Variants in MYT1L observed in about 807,000 individuals in gnomAD.
MYT1L encodes myelin transcription factor 1-like protein.
MYT1L carries 12 observed loss-of-function variants against 126.7 expected under a neutral mutation model. The ratio of observed to expected loss-of-function variants is 0.09; its 90% CI spans 0.06 to 0.15. The LOEUF (loss-of-function observed/expected upper bound fraction) is 0.15, where lower values mean the gene tolerates loss of function less well. Ranked by LOEUF, MYT1L falls within the 10% of genes least tolerant of loss-of-function variation. The pLI, the probability that MYT1L is intolerant of heterozygous loss-of-function variation, is 1.00. For synonymous variants in MYT1L, 541 were observed against 604.2 expected (o/e 0.90, Z 1.53); for missense variants, 979 against 1,585.2 (o/e 0.62, Z 6.49).
At chr2:1,886,652 C>G in intron 17 of MYT1L, 45 bp from the exon 18 acceptor site, 1 of 1,329,328 alleles carries the variant, frequency 7.5e-7, no homozygotes, top group Non-Finnish European at 1.0e-6. Flanking sequence ...CTGCGAAGCG[C>G]GTAACTCCCA....
chr2:1,884,988 G>A (rs1429237907), intron 18 of MYT1L, among the ~76,000 whole-genome samples: 1 of 152,214 alleles, frequency 6.6e-6, no homozygotes, highest in African/African-American at 2.4e-5. Flanking sequence ...CAAGCCCAAC[G>A]TGAAGGGATG....
chr2:1,865,594 T>C (rs926078377), intron 18 of MYT1L, among the ~76,000 whole-genome samples: 4 of 149,590 alleles, frequency 2.7e-5, no homozygotes, highest in Non-Finnish European at 5.9e-5. Flanking sequence ...GTTTTTTTTC[T>C]TTTTTTTTTA....
intron 2 of MYT1L, among the ~76,000 whole-genome samples, chr2:2,274,380 G>T (rs1304254349): frequency 6.6e-6 from 1 of 151,892 alleles, no homozygotes; most frequent in Non-Finnish European, 1.5e-5. Flanking sequence ...GGGAGGGAGA[G>T]AGGACAGTGG....
chr2:2,166,195 CCTCT>C (rs956401311), intron 3 of MYT1L, among the ~76,000 whole-genome samples: 1 of 152,134 alleles, frequency 6.6e-6, no homozygotes, highest in Non-Finnish European at 1.5e-5. Context: ...TTCCTTCCCT[CCTCT>C]CTCTCCCACC....
rs114084781 is a variant in MYT1L, at chr2:1,833,937, G to A, written c.3080+5212C>T. Among the ~76,000 whole-genome samples the A allele has an allele frequency of 8.9e-3, 1,358 of 152,348 alleles. 22 individuals are homozygous for A. The highest frequency in any genetic ancestry group is 0.031 in the African/African-American group (1,284 of 41,572). On this transcript the variant is annotated intron_variant, in intron 21 of 24. Coordinates refer to ENST00000647738, the MANE Select transcript of MYT1L (RefSeq NM_001303052.2). ...AGTGGAAACGATTTCACAGCAAATG[G>A]GGTGGATGGCCAGGGGCTCCTGTCA...
rs2036598934 is a variant in MYT1L at position 1,811,349 on chromosome 2, C to CCCAGCGTCATCAGCT, written c.3081-2197_3081-2183dup. ...GAGAAGGAGCAGCGGGGACTTTAAC[C>CCCAGCGTCATCAGCT]CCAGCGTCATCAGCTCCAGCATCAT... On this transcript the variant is annotated intron_variant, in intron 21 of 24. Transcript: ENST00000647738. This position sits in a 1 kb window ranked among gnomAD's most constrained non-coding sequence, Gnocchi z 4.4. 8.3e-6 allele frequency: 1 copy of CCCAGCGTCATCAGCT among 120,830 alleles called. No individual in the cohort carries two copies. Among genetic ancestry groups the CCCAGCGTCATCAGCT allele is most frequent in the Non-Finnish European group, 1.8e-5 (1 of 56,170 alleles). 7.5% of individuals were successfully genotyped at this position (120,830 alleles called of 1,614,324 possible).
At chr2:1,923,437 C>T (rs370958050) in intron 9 of MYT1L, among the ~76,000 whole-genome samples, 174 bp from the exon 10 acceptor site, 3 of 152,152 alleles carry the variant, frequency 2.0e-5, no homozygotes, top group Admixed American at 6.5e-5. Context: ...ATAAAGAAAA[C>T]GGATGTTGCT....
intron 18 of MYT1L, among the ~76,000 whole-genome samples, chr2:1,854,378 G>C (rs193053076): frequency 1.4e-4 from 22 of 152,198 alleles, no homozygotes; most frequent in Non-Finnish European, 2.8e-4. Flanking sequence ...TACATATGGA[G>C]GGCTCTACCC....
rs192445966 is a variant in MYT1L at position 2,267,546 on chromosome 2, C to T, written c.-421+16858G>A. ...AAAGGAATGGACAGAAAAAAAATGC[C>T]CCAGATGGAAGCAACAGGATTTCCT... is the stretch of plus-strand genomic sequence containing the variant. On this transcript the variant is annotated intron_variant, in intron 2 of 24. Transcript: ENST00000647738. 9.5e-4 allele frequency among the ~76,000 whole-genome samples: 144 copies of T among 152,006 alleles called. 1 individual carries two copies. The highest frequency in any genetic ancestry group is 3.4e-3 in the African/African-American group (140 of 41,384).
intron 3 of MYT1L, among the ~76,000 whole-genome samples, chr2:2,129,168 A>T (rs1435115471): frequency 6.6e-6 from 1 of 152,384 alleles, no homozygotes; most frequent in Admixed American, 6.5e-5. Flanking sequence ...GTGGTGATGC[A>T]GCAGATGCCT....
chr2:1,847,107 G>A (rs538286609), intron 19 of MYT1L, among the ~76,000 whole-genome samples: 13 of 152,168 alleles, frequency 8.5e-5, no homozygotes, highest in Non-Finnish European at 1.5e-4. Context: ...TCGATTTTGC[G>A]CATTATTGTA....
At chr2:2,007,615 C>T (rs142769988) in intron 4 of MYT1L, among the ~76,000 whole-genome samples, 22 of 152,306 alleles carry the variant, frequency 1.4e-4, no homozygotes, top group African/African-American at 5.1e-4. Context: ...TCTTGCATGA[C>T]TCAGATTTCA....
intron 1 of MYT1L, among the ~76,000 whole-genome samples, chr2:2,307,708 T>C (rs962920568): frequency 6.6e-6 from 1 of 151,310 alleles, no homozygotes; most frequent in Non-Finnish European, 1.5e-5. Context: ...ACTCCACCCA[T>C]GTTTCAGTAC....
Position 2,041,514 on chromosome 2 carries a change from T to C in MYT1L, c.-158+12464A>G, listed in dbSNP as rs137970671. The stretch of plus-strand genomic sequence containing the variant: ...ATATTTACTTTTCGTTTTACAAAGA[T>C]ATTCTTTGTCTCTTATCAAATGACC... On this transcript the variant is annotated intron_variant, in intron 4 of 24. Coordinates refer to ENST00000647738, the MANE Select transcript of MYT1L (RefSeq NM_001303052.2). 3.8e-3 allele frequency among the ~76,000 whole-genome samples: 573 copies of C among 152,348 alleles called. 1 individual carries two copies. The highest frequency in any genetic ancestry group is 0.013 in the African/African-American group (544 of 41,594).
intron 2 of MYT1L, among the ~76,000 whole-genome samples, chr2:2,181,483 T>C (rs1272266925): frequency 6.6e-6 from 1 of 152,146 alleles, no homozygotes; most frequent in Non-Finnish European, 1.5e-5. Flanking sequence ...TCTTAAAATA[T>C]ATAGAAATTA....
intron 8 of MYT1L, among the ~76,000 whole-genome samples, chr2:1,944,983 A>G (rs2057063684): frequency 6.6e-6 from 1 of 152,208 alleles, no homozygotes; most frequent in African/African-American, 2.4e-5. Context: ...CAGATATGTA[A>G]AGGATGTCTG....
chr2:2,272,525 C>T (rs2095283480), intron 2 of MYT1L, among the ~76,000 whole-genome samples: 3 of 152,216 alleles, frequency 2.0e-5, no homozygotes, highest in Non-Finnish European at 4.4e-5. Context: ...AAACTGGCCT[C>T]TCAGGGGAAT....
chr2:2,181,226 G>A (rs1469814226), intron 2 of MYT1L, among the ~76,000 whole-genome samples: 15 of 151,604 alleles, frequency 9.9e-5, no homozygotes, highest in African/African-American at 3.6e-4. Flanking sequence ...GTGCCTGTGT[G>A]TGTACCTGTG....
intron 2 of MYT1L, among the ~76,000 whole-genome samples, chr2:2,200,953 T>C (rs2093046042): frequency 6.6e-6 from 1 of 152,198 alleles, no homozygotes; most frequent in Non-Finnish European, 1.5e-5. Flanking sequence ...TTCAAGTAAA[T>C]GAGCTTTTGG....
Sources: gnomAD v4.1 joint callset for allele counts (sites outside exome capture counted in the v4.1 genomes callset) on GRCh38, gnomAD v4.1.1 for gene constraint, Gnocchi (gnomAD v3.1) non-coding constraint, MANE v1.5 for transcripts, NCBI Gene and HGNC (gene_info 2026-07-23, HGNC 2026-07-21) for gene names.